The following GABRG3 variants were observed in gnomAD, a reference collection of about 807,000 sequenced individuals.
GABRG3 encodes the protein gamma-aminobutyric acid receptor subunit gamma-3.
GABRG3 carries 25 observed loss-of-function variants against 48.8 expected under a neutral mutation model. That is an observed-to-expected ratio of 0.51 (90% CI 0.37 to 0.72). The LOEUF (loss-of-function observed/expected upper bound fraction) is 0.72. Ranked by LOEUF, GABRG3 falls within the 30% of genes least tolerant of loss-of-function variation. The pLI, the probability that GABRG3 is intolerant of heterozygous loss-of-function variation, is 0.00. For synonymous variants in GABRG3, 227 were observed against 217.6 expected (o/e 1.04, Z -0.38); for missense variants, 394 against 577.9 (o/e 0.68, Z 3.26).
At chr15:27,529,041 T>C (rs1317883058) in intron 9 of GABRG3, among the ~76,000 whole-genome samples, 1 of 152,208 alleles carries the variant, frequency 6.6e-6, no homozygotes, top group Non-Finnish European at 1.5e-5. Flanking sequence ...TGTGTTCTGC[T>C]TTGGAAGGTC....
At chr15:27,399,675 T>C (rs1324185400) in intron 5 of GABRG3, among the ~76,000 whole-genome samples, 2 of 152,210 alleles carry the variant, frequency 1.3e-5, no homozygotes, top group Non-Finnish European at 2.9e-5. Context: ...TTATTTTAGA[T>C]TCAACTTAAA....
intron 5 of GABRG3, among the ~76,000 whole-genome samples, chr15:27,366,914 C>T (rs1236183873): frequency 1.3e-5 from 2 of 152,190 alleles, no homozygotes; most frequent in Admixed American, 6.5e-5. Context: ...CAGCAGCCTG[C>T]TCCTCAGTGT....
chr15:27,456,249 C>A (rs555051304), intron 5 of GABRG3, among the ~76,000 whole-genome samples: 40 of 152,308 alleles, frequency 2.6e-4, no homozygotes, highest in African/African-American at 8.7e-4. Flanking sequence ...TCAAGTCTTA[C>A]CCCTTCCCAT....
intron 3 of GABRG3, among the ~76,000 whole-genome samples, chr15:27,223,866 G>A (rs535266689): frequency 2.6e-4 from 39 of 152,194 alleles, no homozygotes; most frequent in Non-Finnish European, 3.5e-4. Context: ...CAGAACACTT[G>A]CCTCTACCAT....
chr15:27,023,928 A>G (rs1895941315), intron 2 of GABRG3, among the ~76,000 whole-genome samples: 1 of 152,190 alleles, frequency 6.6e-6, no homozygotes, highest in African/African-American at 2.4e-5. Flanking sequence ...ACAGTGCACA[A>G]GGATTACAAT....
At chr15:26,981,303 C>T (rs1178520601) in intron 2 of GABRG3, among the ~76,000 whole-genome samples, 1 of 152,206 alleles carries the variant, frequency 6.6e-6, no homozygotes, top group Non-Finnish European at 1.5e-5. Flanking sequence ...TTTCCAAGTA[C>T]TTGCACATAT....
intron 3 of GABRG3, among the ~76,000 whole-genome samples, chr15:27,110,688 T>A (rs1184282060): frequency 6.6e-6 from 1 of 152,088 alleles, no homozygotes; most frequent in Non-Finnish European, 1.5e-5. Flanking sequence ...TTTGAACAAT[T>A]TAAATATTTT....
In GABRG3 at chr15:27,350,099, C is replaced by T. The variant is rs573064309; in HGVS notation, c.574+21211C>T. On this transcript the variant is annotated intron_variant, in intron 5 of 9. Transcript: ENST00000615808. Reference sequence around the variant, plus strand: ...TTTAGATAAATTGTCACTCTTATCACGTTTTTCTTCCCTGCTCACTTTCCC... The same window carrying T: ...TTTAGATAAATTGTCACTCTTATCATGTTTTTCTTCCCTGCTCACTTTCCC... 72 of 456,002 alleles carry T rather than the reference C, an allele frequency of 1.6e-4. No individual in the cohort carries two copies. In the East Asian group the frequency reaches 4.7e-3, roughly 30 times the overall value. 28.2% of individuals were successfully genotyped at this position (456,002 alleles called of 1,614,324 possible). A position where few individuals can be genotyped will look rare whatever the true frequency, so the allele number is the denominator to read the frequency against.
At chr15:27,037,427 G>T (rs1205944070) in intron 3 of GABRG3, among the ~76,000 whole-genome samples, 1 of 152,224 alleles carries the variant, frequency 6.6e-6, no homozygotes, top group Non-Finnish European at 1.5e-5. Flanking sequence ...GCTAAGTTAG[G>T]TCAGAGGCAC....
At chr15:27,150,728 G>A (rs1266942889) in intron 3 of GABRG3, among the ~76,000 whole-genome samples, 5 of 152,176 alleles carry the variant, frequency 3.3e-5, no homozygotes, top group African/African-American at 1.2e-4. Context: ...CACACAACTC[G>A]TTACTGGCAG....
intron 3 of GABRG3, among the ~76,000 whole-genome samples, chr15:27,032,786 C>G (rs1896107778): frequency 6.6e-6 from 1 of 152,126 alleles, no homozygotes; most frequent in Non-Finnish European, 1.5e-5. Context: ...ACCATATCAC[C>G]TGGCAATTTT....
chr15:27,316,008 C>T (rs1026406245), intron 3 of GABRG3, among the ~76,000 whole-genome samples: 11 of 152,130 alleles, frequency 7.2e-5, no homozygotes, highest in Non-Finnish European at 1.0e-4. Flanking sequence ...CAACTTTGAA[C>T]GCTATTTTCC....
intron 5 of GABRG3, among the ~76,000 whole-genome samples, chr15:27,406,529 C>A (rs1213348495): frequency 6.6e-6 from 1 of 152,132 alleles, no homozygotes; most frequent in South Asian, 2.1e-4. Context: ...AACACTCATG[C>A]ACATGTTTAG....
intron 3 of GABRG3, among the ~76,000 whole-genome samples, chr15:27,061,865 G>T (rs207475332): frequency 6.6e-6 from 1 of 152,112 alleles, no homozygotes; most frequent in African/African-American, 2.4e-5. Context: ...TGGAAATCCT[G>T]CTGTGCTCCC....
At chr15:27,424,349 C>A (rs1160651641) in intron 5 of GABRG3, among the ~76,000 whole-genome samples, 1 of 152,024 alleles carries the variant, frequency 6.6e-6, no homozygotes, top group Non-Finnish European at 1.5e-5. Flanking sequence ...CTAGGAAGTC[C>A]AAGATCAAGG....
intron 6 of GABRG3, among the ~76,000 whole-genome samples, chr15:27,501,145 G>A (rs375581278): frequency 4.6e-5 from 7 of 152,006 alleles, no homozygotes; most frequent in East Asian, 1.9e-4. Context: ...TAGAGACAGG[G>A]TTTCACCGTG....
intron 3 of GABRG3, among the ~76,000 whole-genome samples, chr15:27,085,496 A>G (rs1481904105): frequency 1.3e-5 from 2 of 152,200 alleles, no homozygotes; most frequent in African/African-American, 4.8e-5. Context: ...TTCAAGGTCT[A>G]TGCACTTATA....
chr15:27,090,439 T>C (rs1355132953), intron 3 of GABRG3, among the ~76,000 whole-genome samples: 1 of 152,174 alleles, frequency 6.6e-6, no homozygotes, highest in Non-Finnish European at 1.5e-5. Context: ...GAATTCTATG[T>C]TTAACTGATT....
chr15:27,172,147 A>C (rs978729138), intron 3 of GABRG3, among the ~76,000 whole-genome samples: 1 of 152,216 alleles, frequency 6.6e-6, no homozygotes, highest in Non-Finnish European at 1.5e-5. Flanking sequence ...AAATTTCAAC[A>C]TGAGTTTTGA....
Sources: allele counts gnomAD v4.1 joint callset (sites outside exome capture counted in the v4.1 genomes callset), GRCh38; gene constraint gnomAD v4.1.1; transcripts MANE v1.5; gene names NCBI Gene and HGNC (gene_info 2026-07-23, HGNC 2026-07-21).